PLEKHM1: variants seen among roughly 807,000 people sequenced by gnomAD.
PLEKHM1 encodes the protein pleckstrin homology and RUN domain containing M1, also known as pleckstrin homology domain-containing family M member 1.
In PLEKHM1, 28 loss-of-function variants were observed where a neutral mutation model predicts 94.3. The ratio of observed to expected loss-of-function variants is 0.30; its 90% CI spans 0.22 to 0.41. The LOEUF (loss-of-function observed/expected upper bound fraction) is 0.41, where lower values mean the gene tolerates loss of function less well. Ranked by LOEUF, PLEKHM1 falls within the 10% of genes least tolerant of loss-of-function variation. The pLI, the probability that PLEKHM1 is intolerant of heterozygous loss-of-function variation, is 1.00. For synonymous variants in PLEKHM1, 424 were observed against 581.2 expected, an observed-to-expected ratio of 0.73 and a Z score of 3.89; for missense variants, 907 against 1,358.6, an observed-to-expected ratio of 0.67 and a Z score of 5.22.
chr17:45,440,957 T>C (rs1482766193), intron 9 of PLEKHM1: 1 of 154,378 alleles, frequency 6.5e-6, no homozygotes, highest in Non-Finnish European at 1.4e-5. Flanking sequence ...GTTTCAGTGC[T>C]GAGACGTGTC....
chr17:45,455,816 G>C (rs1006743595), intron 6 of PLEKHM1, among the ~76,000 whole-genome samples: 2 of 152,140 alleles, frequency 1.3e-5, no homozygotes, highest in Admixed American at 6.5e-5. Flanking sequence ...TAGGAGCCAT[G>C]ATGACCCATT....
Position 45,445,064 on chromosome 17 carries a change from A to G in PLEKHM1, c.2837+406T>C, listed in dbSNP as rs2050560947. Among the ~76,000 whole-genome samples the G allele has an allele frequency of 6.6e-6, 1 of 152,202 alleles. No homozygotes were observed. Among genetic ancestry groups the G allele is most frequent in the Non-Finnish European group, 1.5e-5 (1 of 68,040 alleles). On this transcript the variant is annotated intron_variant, in intron 9 of 11. Transcript: ENST00000430334. This position sits in a 1 kb window ranked among gnomAD's most constrained non-coding sequence, Gnocchi z 4.2. ...CTGGCTCTGTCCTGCTCATTGTTGG[A>G]GCCTACATGCCTCGCCAGGTGTGCA...
rs760898233 is a variant in PLEKHM1 at position 45,475,330 on chromosome 17, G to T, written c.693C>A (p.Asp231Glu). The change falls in exon 4 of 12, where the codon GAC becomes GAA. Residue 231 changes from aspartate to glutamate, a missense_variant. Physicochemically the swap from Asp to Glu is conservative, Grantham distance 45. This residue lies in a region of PLEKHM1 where 176 missense variants were observed against 306.0 expected (regional missense o/e 0.58). Transcript: ENST00000430334. ...DSISHSSGSEDIEVHHSGHKI... is the reference protein window; with the variant it reads ...DSISHSSGSEEIEVHHSGHKI... ...TATGGCCCGAGTGATGGACTTCGAT[G>T]TCTTCAGAGCCTGAAGAATGGGAAA... 4.3e-6 allele frequency: 7 copies of T among 1,613,872 alleles called. No individual in the cohort carries two copies. The African/African-American group carries it at 9.3e-5, about 22-fold the overall frequency.
rs759279787 is a variant in PLEKHM1, at chr17:45,453,770, C to T, written c.2082G>A (p.Met694Ile). ...ATATATAGGGCATCCAGGTCCTGTC[C>T]ATGTACAAGTACAGCAGGGACTCCT... ...AIKESLLYLY[M>I]DRTWMPYIFS... is the part of the protein sequence containing the mutation. Residue 694 changes from methionine to isoleucine, a missense_variant, in exon 7 of 12, where the codon ATG becomes ATA. By Grantham distance (10) the Met-to-Ile change is conservative. This residue lies in a region of PLEKHM1 where 477 missense variants were observed against 601.5 expected (regional missense o/e 0.79). Transcript: ENST00000430334. This position sits in a 1 kb window ranked among gnomAD's most constrained non-coding sequence, Gnocchi z 4.1. The T allele has an allele frequency of 6.2e-7, 1 of 1,613,986 alleles. No homozygotes were observed. The highest frequency in any genetic ancestry group is 1.1e-5 in the South Asian group (1 of 91,080).
chr17:45,478,603 A>G (rs1172401125), intron 2 of PLEKHM1, among the ~76,000 whole-genome samples: 2 of 152,240 alleles, frequency 1.3e-5, no homozygotes, highest in African/African-American at 4.8e-5. Flanking sequence ...AAAACAAACA[A>G]ACAATAAACA....
In PLEKHM1 at chr17:45,453,690, A is replaced by G. The variant is rs375419286; in HGVS notation, c.2162T>C (p.Met721Thr). The change falls in exon 7 of 12, where the codon ATG becomes ACG. Residue 721 changes from methionine (M) to threonine (T), a missense_variant. By Grantham distance (81) the Met-to-Thr change is moderately conservative. Transcript: ENST00000430334. This position sits in a 1 kb window ranked among gnomAD's most constrained non-coding sequence, Gnocchi z 4.1. ...CTCCACGCCGTGGCTGTCACTCAGC[A>G]TCTTCTCATTGTTCCTGATGCGGAA... is the stretch of plus-strand genomic sequence containing the variant. ...KCFRIRNNEK[M>T]LSDSHGVETI... 4 of 1,613,716 alleles carry G rather than the reference A, an allele frequency of 2.5e-6. No individual in the cohort carries two copies. The highest frequency in any genetic ancestry group is 2.5e-6 in the Non-Finnish European group (3 of 1,179,840).
intron 3 of PLEKHM1, 37 bp from the exon 4 acceptor site, chr17:45,475,763 C>G: frequency 6.4e-7 from 1 of 1,560,440 alleles, no homozygotes; most frequent in East Asian, 2.4e-5. Context: ...AAGAAACTAC[C>G]CCAAATCACA....
At chr17:45,472,911 T>C (rs527786461) in intron 4 of PLEKHM1, among the ~76,000 whole-genome samples, 64 of 152,056 alleles carry the variant, frequency 4.2e-4, no homozygotes, top group African/African-American at 1.3e-3. Flanking sequence ...GGAAAGAAGG[T>C]CCCAAACACG....
rs749566636 is a variant in PLEKHM1 at position 45,458,374 on chromosome 17, A to G, written c.1374T>C (p.Ser458=). The G allele has an allele frequency of 1.2e-6, 2 of 1,613,678 alleles. No individual in the cohort carries two copies. The highest frequency in any genetic ancestry group is 2.2e-5 in the South Asian group (2 of 91,060). ...AAGAAGCTATTGGGTGGTCTGAAGC[A>G]CTCTCCAGGGGTTGCTCCCGGGAAG... ...YRPSREQPLE[S]ASDHPIASYR... The change falls in exon 6 of 12, where the codon AGT becomes AGC. Residue 458 remains serine, a synonymous_variant. Coordinates refer to ENST00000430334, the MANE Select transcript of PLEKHM1 (RefSeq NM_014798.3).
chr17:45,473,848 G>A (rs1219674972), intron 4 of PLEKHM1, among the ~76,000 whole-genome samples: 1 of 151,956 alleles, frequency 6.6e-6, no homozygotes, highest in Non-Finnish European at 1.5e-5. Flanking sequence ...GTGAGCCACT[G>A]CGCCCAGCTG....
At chr17:45,488,640 T>C (rs5024835) in intron 1 of PLEKHM1, among the ~76,000 whole-genome samples, 149,414 of 152,292 alleles carry the variant, frequency 0.98, 73,349 homozygotes, top group East Asian at 1. Context: ...TCTTTGGGGC[T>C]CTTTAAAACT....
chr17:45,478,210 G>A (rs142824633), intron 2 of PLEKHM1, 63 bp from the exon 3 acceptor site: 2 of 1,606,892 alleles, frequency 1.2e-6, no homozygotes, highest in Non-Finnish European at 8.5e-7. Context: ...TCCCTAGAGT[G>A]TAATCCTTTA....
chr17:45,459,440 T>C (rs1174631032), intron 5 of PLEKHM1: 2 of 152,162 alleles, frequency 1.3e-5, no homozygotes, highest in African/African-American at 4.8e-5. Context: ...CCATGTTATA[T>C]AAGCATGTTT....
At position 45,453,239 on chromosome 17, in the gene PLEKHM1, A is replaced by G; in HGVS notation, c.2497+116T>C. ...AAGCCTGATCTGTGGCCTCATCCCT[A>G]GGGGAAGGATGGGGGCATTTGCGGG... On this transcript the variant is annotated intron_variant, in intron 7 of 11. Coordinates refer to ENST00000430334, the MANE Select transcript of PLEKHM1 (RefSeq NM_014798.3). This position sits in a 1 kb window ranked among gnomAD's most constrained non-coding sequence, Gnocchi z 4.1. The G allele has an allele frequency of 1.3e-6, 1 of 797,504 alleles. No individual in the cohort carries two copies. The highest frequency in any genetic ancestry group is 2.2e-6 in the Non-Finnish European group (1 of 461,130). 49.4% of individuals were successfully genotyped at this position (797,504 alleles called of 1,614,324 possible).
Position 45,453,512 on chromosome 17 carries a change from C to T in PLEKHM1, c.2340G>A (p.Leu780=), listed in dbSNP as rs781686548. The T allele has an allele frequency of 1.2e-6, 2 of 1,609,454 alleles. No individual in the cohort carries two copies. The highest frequency in any genetic ancestry group is 1.3e-5 in the African/African-American group (1 of 74,670). The change falls in exon 7 of 12, where the codon TTG becomes TTA. Residue 780 remains leucine (L), a synonymous_variant. Coordinates refer to ENST00000430334, the MANE Select transcript of PLEKHM1 (RefSeq NM_014798.3). This position sits in a 1 kb window ranked among gnomAD's most constrained non-coding sequence, Gnocchi z 4.1. ...GGGTCACCGCCTCCTCGGCTGTCTC[C>T]AAGTAGGATGCCAGGACTTTGCGGA... ...DLVRKVLASY[L]ETAEEAVTLG...
downstream of PLEKHM1, among the ~76,000 whole-genome samples, chr17:45,434,702 C>T (rs1436584843): frequency 1.3e-5 from 2 of 152,086 alleles, no homozygotes; most frequent in African/African-American, 4.8e-5. Flanking sequence ...TCCTCGGCCT[C>T]CCAAAATGCT....
chr17:45,437,870 G>T lies in PLEKHM1; in HGVS notation c.3159C>A (p.Asn1053Lys), dbSNP rs372927279. The T allele has an allele frequency of 3.8e-5, 61 of 1,613,608 alleles. 1 individual carries two copies. The highest frequency in any genetic ancestry group is 4.9e-5 in the Non-Finnish European group (58 of 1,179,780). Residue 1053 changes from asparagine (N) to lysine (K), a missense_variant, in exon 12 of 12, where the codon AAC becomes AAA. Transcript: ENST00000430334. This position sits in a 1 kb window ranked among gnomAD's most constrained non-coding sequence, Gnocchi z 4.0. ...CARRRKYQEQ[N>K]IFA ...CAGCAGATGGGCATCAGGCGAAAAT[G>T]TTCTGTTCCTGGTACTTGCGCCGGC... is the stretch of plus-strand genomic sequence containing the variant.
chr17:45,440,113 G>A, intron 10 of PLEKHM1, 50 bp downstream of exon 10: 1 of 1,518,530 alleles, frequency 6.6e-7, no homozygotes, highest in Non-Finnish European at 9.2e-7. Flanking sequence ...GACTTCTCTG[G>A]GAATGAAGTC....
At chr17:45,474,959 A>G (rs971667132) in intron 4 of PLEKHM1, 141 bp downstream of exon 4, 36 of 821,994 alleles carry the variant, frequency 4.4e-5, no homozygotes, top group African/African-American at 2.4e-4. Context: ...TCCCTGGAGA[A>G]GTCGATGACT....
Sources: gnomAD v4.1 joint callset for allele counts (sites outside exome capture counted in the v4.1 genomes callset) on GRCh38, gnomAD v4.1.1 for gene constraint, gnomAD v4.1.1 regional missense constraint, Gnocchi (gnomAD v3.1) non-coding constraint, MANE v1.5 for transcripts, NCBI Gene and HGNC (gene_info 2026-07-23, HGNC 2026-07-21) for gene names.